Variants in FGF14 observed in about 807,000 individuals in gnomAD.
FGF14 encodes fibroblast growth factor 14.
A neutral mutation model predicts 25.5 loss-of-function variants in FGF14; 5 were observed. That is an observed-to-expected ratio of 0.20 (90% confidence interval 0.10 to 0.41). The LOEUF (loss-of-function observed/expected upper bound fraction) is 0.41, where lower values mean the gene tolerates loss of function less well. Ranked by LOEUF, FGF14 falls within the 10% of genes least tolerant of loss-of-function variation. The probability of loss-of-function intolerance (pLI) is 1.00; values close to 1 mark genes in which losing one functional copy is unlikely to be tolerated. For missense variants in FGF14, 222 were observed against 320.1 expected (o/e 0.69, Z 2.34); for synonymous variants, 138 against 118.3 (o/e 1.17, Z -1.08).
intron 1 of FGF14, among the ~76,000 whole-genome samples, chr13:102,102,399 G>A (rs2044704550): frequency 6.6e-6 from 1 of 152,202 alleles, no homozygotes; most frequent in South Asian, 2.1e-4. Flanking sequence ...AAAAATGGAA[G>A]TGCTGTTTTT....
chr13:102,106,051 A>G (rs1566691640), intron 1 of FGF14, among the ~76,000 whole-genome samples: 2 of 152,218 alleles, frequency 1.3e-5, no homozygotes, highest in African/African-American at 2.4e-5. Flanking sequence ...AAAAAGATCA[A>G]CATATTTTTA....
chr13:102,083,113 A>G (rs1053852775), intron 1 of FGF14, among the ~76,000 whole-genome samples: 2 of 152,120 alleles, frequency 1.3e-5, no homozygotes, highest in African/African-American at 2.4e-5. Context: ...ATATCTTTCT[A>G]TCTCTCCACT....
At position 102,191,866 on chromosome 13, in the gene FGF14, A is replaced by G. The variant is rs2049137247; in HGVS notation, c.208+209605T>C. Among the ~76,000 whole-genome samples the G allele has an allele frequency of 3.9e-5, 6 of 152,378 alleles. No individual in the cohort carries two copies. The South Asian group carries it at 1.2e-3, about 32-fold the overall frequency. On this transcript the variant is annotated intron_variant, in intron 1 of 4. Coordinates refer to the FGF14 transcript ENST00000376131. Reference sequence around the variant, plus strand: ...TCCAAATTACAACAGATAGTGGAATAGGCATGAGATAGCCATTCCCATTCC... The same window carrying G: ...TCCAAATTACAACAGATAGTGGAATGGGCATGAGATAGCCATTCCCATTCC...
At chr13:102,326,695 G>GT (rs2056447122) in intron 1 of FGF14, among the ~76,000 whole-genome samples, 1 of 37,816 alleles carries the variant, frequency 2.6e-5, no homozygotes, top group Non-Finnish European at 5.2e-5. Flanking sequence ...GAAGGGAAGG[G>GT]AAGGAAGGAA....
intron 1 of FGF14, among the ~76,000 whole-genome samples, chr13:102,158,565 A>G (rs2140551993): frequency 6.6e-6 from 1 of 152,046 alleles, no homozygotes; most frequent in African/African-American, 2.4e-5. Flanking sequence ...GATATACCTA[A>G]TGTTAAATGA....
chr13:101,957,940 G>A (rs1265605463), intron 1 of FGF14, among the ~76,000 whole-genome samples: 1 of 151,698 alleles, frequency 6.6e-6, no homozygotes, highest in African/African-American at 2.4e-5. Context: ...GGGCCAAATG[G>A]GTCCAAAATA....
chr13:102,257,667 A>G (rs1193042825), intron 1 of FGF14, among the ~76,000 whole-genome samples: 3 of 151,992 alleles, frequency 2.0e-5, no homozygotes, highest in Non-Finnish European at 4.4e-5. Context: ...TAGAGTCCCC[A>G]ACTACCCATC....
In FGF14 at chr13:101,997,510, AAAGATCAG is replaced by A. The variant is rs569016420; in HGVS notation, c.209-122222_209-122215del. Among the ~76,000 whole-genome samples, 8 of 152,356 alleles carry A rather than the reference AAAGATCAG, an allele frequency of 5.3e-5. No individual in the cohort carries two copies. In the East Asian group the frequency reaches 1.5e-3, roughly 29 times the overall value. ...ATAACAGTGGTTTTAAAATTTAAGC[AAAGATCAG>A]AATCACTTCTTGCTTAAAATCATGC... On this transcript the variant is annotated intron_variant, in intron 1 of 4. Coordinates refer to the FGF14 transcript ENST00000376131.
intron 2 of FGF14, among the ~76,000 whole-genome samples, chr13:101,871,694 G>C (rs1262841804): frequency 6.6e-6 from 1 of 151,946 alleles, no homozygotes; most frequent in Non-Finnish European, 1.5e-5. Context: ...AAAGTGGGGG[G>C]AAAGAAAACT....
rs979691718 is a variant in FGF14, at chr13:101,717,614, G to A, written c.*5217C>T. ...ATCACGGCGCTTATCCTCCTATTAA[G>A]GATCAGAAAGTTAAACTTTACGGAC... On this transcript the variant is annotated 3_prime_UTR_variant, in exon 5 of 5. Coordinates refer to ENST00000376143, the MANE Select transcript of FGF14 (RefSeq NM_004115.4). The A allele has an allele frequency of 6.6e-6, 1 of 152,042 alleles. No homozygotes were observed. Among genetic ancestry groups the A allele is most frequent in the East Asian group, 1.9e-4 (1 of 5,172 alleles). The allele number at this position is 152,042 out of a possible 1,614,324, so 9.4% of individuals were successfully genotyped here.
chr13:101,940,976 T>G (rs1232839949), intron 1 of FGF14, among the ~76,000 whole-genome samples: 1 of 152,200 alleles, frequency 6.6e-6, no homozygotes, highest in South Asian at 2.1e-4. Flanking sequence ...ATAGAGTCTT[T>G]TGGGGACATC....
intron 1 of FGF14, among the ~76,000 whole-genome samples, chr13:102,004,890 G>T (rs185227279): frequency 1.3e-5 from 2 of 152,256 alleles, no homozygotes; most frequent in African/African-American, 4.8e-5. Context: ...GGATGTGTTT[G>T]CGTCCCCTTC....
At chr13:102,232,360 A>G (rs1038109152) in intron 1 of FGF14, among the ~76,000 whole-genome samples, 7 of 152,216 alleles carry the variant, frequency 4.6e-5, no homozygotes, top group African/African-American at 1.7e-4. Flanking sequence ...TTGCAATGCT[A>G]TATATCCTAT....
At chr13:102,273,396 C>T (rs369176888) in intron 1 of FGF14, among the ~76,000 whole-genome samples, 1 of 152,160 alleles carries the variant, frequency 6.6e-6, no homozygotes, top group Non-Finnish European at 1.5e-5. Flanking sequence ...TCTGAAGACT[C>T]GCCACCTGTT....
rs1451419619 is a variant in FGF14, at chr13:102,098,702, C to T, written c.209-223406G>A. On this transcript the variant is annotated intron_variant, in intron 1 of 4. Coordinates refer to the FGF14 transcript ENST00000376131. ...TGAACTAAGTCCTGAGGTCTGTGTG[C>T]TTTGGGTGTGCCCCTACTCCTTCAT... Among the ~76,000 whole-genome samples, 3 of 152,178 alleles carry T rather than the reference C, an allele frequency of 2.0e-5. No individual in the cohort carries two copies. The East Asian group carries it at 5.8e-4, about 29-fold the overall frequency.
At chr13:102,316,270 C>T (rs2056016816) in intron 1 of FGF14, among the ~76,000 whole-genome samples, 2 of 152,216 alleles carry the variant, frequency 1.3e-5, no homozygotes, top group Admixed American at 1.3e-4. Flanking sequence ...TACATACAAT[C>T]AGTTGTGGGA....
chr13:102,024,182 C>T (rs916504908), intron 1 of FGF14, among the ~76,000 whole-genome samples: 1 of 151,996 alleles, frequency 6.6e-6, no homozygotes, highest in Non-Finnish European at 1.5e-5. Flanking sequence ...TACTCTGTTT[C>T]ACATTTTAAA....
intron 1 of FGF14, among the ~76,000 whole-genome samples, chr13:102,224,109 T>C (rs1174288973): frequency 1.3e-5 from 2 of 152,088 alleles, no homozygotes; most frequent in Non-Finnish European, 2.9e-5. Context: ...TGTGAAAAAG[T>C]AGAAAGATTA....
At chr13:102,374,004 A>G (rs557652418) in intron 1 of FGF14, among the ~76,000 whole-genome samples, 10 of 152,250 alleles carry the variant, frequency 6.6e-5, no homozygotes, top group African/African-American at 9.6e-5. Context: ...AACAACTGCT[A>G]CAGAAGGAAC....
Sources: gnomAD v4.1 joint callset for allele counts (sites outside exome capture counted in the v4.1 genomes callset) on GRCh38, gnomAD v4.1.1 for gene constraint, MANE v1.5 for transcripts, NCBI Gene and HGNC (gene_info 2026-07-23, HGNC 2026-07-21) for gene names.